NAV3: variants seen among roughly 807,000 people sequenced by gnomAD.
The protein encoded by NAV3 is pore membrane and/or filament interacting like protein 1.
A neutral mutation model predicts 244.7 loss-of-function variants in NAV3; 87 were observed. That is an observed-to-expected ratio of 0.36 (90% confidence interval 0.30 to 0.42). The LOEUF is 0.42. NAV3 is among the 20% of genes least tolerant of loss of function. The pLI is 1.00. For missense variants in NAV3, 2,663 were observed against 2,893.3 expected (o/e 0.92, Z 1.83); for synonymous variants, 1,126 against 1,042.2 (o/e 1.08, Z -1.55).
At chr12:77,781,715 C>A (rs1870670084) in intron 2 of NAV3, among the ~76,000 whole-genome samples, 1 of 152,166 alleles carries the variant, frequency 6.6e-6, no homozygotes, top group South Asian at 2.1e-4. Context: ...TGATTGAGGC[C>A]TGTCCCAGAT....
chr12:78,011,149 G>C (rs1055315321), intron 8 of NAV3, among the ~76,000 whole-genome samples: 1 of 152,096 alleles, frequency 6.6e-6, no homozygotes, highest in Non-Finnish European at 1.5e-5. Context: ...CTGATAACTA[G>C]AGCTACCTGA....
upstream of NAV3, among the ~76,000 whole-genome samples, chr12:77,827,104 G>A (rs1371608879): frequency 6.6e-6 from 1 of 151,810 alleles, no homozygotes. Context: ...GTAGTGGCAG[G>A]CGCCTGTAAT....
At chr12:78,057,008 C>T (rs1883608754) in intron 11 of NAV3, among the ~76,000 whole-genome samples, 1 of 152,092 alleles carries the variant, frequency 6.6e-6, no homozygotes, top group Non-Finnish European at 1.5e-5. Context: ...TTTCTTGAAG[C>T]ATGCGAAGGC....
intron 2 of NAV3, among the ~76,000 whole-genome samples, chr12:77,799,384 G>T (rs981677689): frequency 6.6e-6 from 1 of 152,096 alleles, no homozygotes; most frequent in African/African-American, 2.4e-5. Context: ...GCATATAATG[G>T]TACCTGATTT....
At chr12:77,609,295 G>A (rs1870807005) in intron 2 of NAV3, among the ~76,000 whole-genome samples, 1 of 151,950 alleles carries the variant, frequency 6.6e-6, no homozygotes, top group African/African-American at 2.4e-5. Context: ...CAACAACCTG[G>A]CATCACTTTA....
At chr12:77,854,810 T>C (rs1192849491) in intron 1 of NAV3, among the ~76,000 whole-genome samples, 1 of 152,198 alleles carries the variant, frequency 6.6e-6, no homozygotes. Flanking sequence ...TAAGCATTTA[T>C]TACTTAGAAA....
intron 2 of NAV3, among the ~76,000 whole-genome samples, chr12:77,582,252 A>T (rs1455758218): frequency 6.6e-6 from 1 of 152,232 alleles, no homozygotes; most frequent in African/African-American, 2.4e-5. Context: ...TGTTTAAAGG[A>T]CATTAATCTA....
At chr12:78,085,830 G>T (rs1953605495) in intron 12 of NAV3, among the ~76,000 whole-genome samples, 1 of 152,054 alleles carries the variant, frequency 6.6e-6, no homozygotes, top group African/African-American at 2.4e-5. Flanking sequence ...ACAGAGAGTA[G>T]CTGGTTAGCA....
rs927971880 is a variant in NAV3, at chr12:77,794,716, G to A, written c.73-145603G>A. ...GCTCACTTTTGTCTCTATATGAGAT[G>A]TTGGTGATACTCATGATATTTCCAA... On this transcript the variant is annotated intron_variant, in intron 2 of 8. Transcript: ENST00000550042. Among the ~76,000 whole-genome samples the A allele has an allele frequency of 7.9e-5, 12 of 152,290 alleles. 1 individual carries two copies. The Middle Eastern group carries it at 0.01, about 129-fold the overall frequency.
intron 1 of NAV3, among the ~76,000 whole-genome samples, chr12:77,910,121 C>A (rs1286197377): frequency 6.6e-6 from 1 of 151,956 alleles, no homozygotes; most frequent in Non-Finnish European, 1.5e-5. Context: ...TTTCATTTTA[C>A]ATTGTTATGA....
chr12:77,966,581 G>A (rs929309871), intron 4 of NAV3, among the ~76,000 whole-genome samples: 4 of 152,004 alleles, frequency 2.6e-5, no homozygotes, highest in African/African-American at 9.7e-5. Flanking sequence ...CTAGTTTATA[G>A]TATAATTAGA....
chr12:77,716,477 A>G (rs1371941606), intron 2 of NAV3, among the ~76,000 whole-genome samples: 1 of 151,918 alleles, frequency 6.6e-6, no homozygotes, highest in Non-Finnish European at 1.5e-5. Context: ...AGGTAATTTC[A>G]TGTTTTATGA....
In NAV3 at chr12:77,933,658, G is replaced by A. The variant is rs181460746; in HGVS notation, c.244-6661G>A. Reference sequence around the variant, plus strand: ...ATGGTGAATGTATTACATATATTGTGACAATATGATGTTACCCAAAACTTT... The same window carrying A: ...ATGGTGAATGTATTACATATATTGTAACAATATGATGTTACCCAAAACTTT... On this transcript the variant is annotated intron_variant, in intron 1 of 39. Transcript: ENST00000397909. 4.4e-4 allele frequency among the ~76,000 whole-genome samples: 67 copies of A among 152,262 alleles called. 1 individual carries two copies. The highest frequency in any genetic ancestry group is 4.4e-3 in the South Asian group (21 of 4,822).
Position 78,109,718 on chromosome 12 carries a change from C to G in NAV3, c.2637-7054C>G, listed in dbSNP as rs145882686. ...GAATATATGATCATCTCAATAGATG[C>G]AGAAAAAAATTTTTGATAAATTTCA... On this transcript the variant is annotated intron_variant, in intron 12 of 39. Transcript: ENST00000397909. Among the ~76,000 whole-genome samples, 30 of 151,838 alleles carry G rather than the reference C, an allele frequency of 2.0e-4. No individual in the cohort carries two copies. In the South Asian group the frequency reaches 4.8e-3, roughly 24 times the overall value.
chr12:77,878,138 T>A (rs1434733704), intron 1 of NAV3, among the ~76,000 whole-genome samples: 2 of 152,132 alleles, frequency 1.3e-5, no homozygotes, highest in Non-Finnish European at 2.9e-5. Flanking sequence ...ATGTGGTACC[T>A]GAATGAGAAC....
intron 22 of NAV3, among the ~76,000 whole-genome samples, chr12:78,153,514 T>G (rs887891590): frequency 1.1e-4 from 16 of 152,054 alleles, no homozygotes; most frequent in African/African-American, 3.9e-4. Context: ...TAAATGGTAA[T>G]AGCAAACAAT....
At chr12:77,855,453 A>G (rs1878252854) in intron 1 of NAV3, among the ~76,000 whole-genome samples, 1 of 152,176 alleles carries the variant, frequency 6.6e-6, no homozygotes, top group Admixed American at 6.5e-5. Flanking sequence ...GGGTATCACA[A>G]TATTTTTCTA....
intron 2 of NAV3, among the ~76,000 whole-genome samples, chr12:77,769,956 C>A (rs966892474): frequency 5.9e-5 from 9 of 152,044 alleles, no homozygotes; most frequent in East Asian, 1.9e-4. Context: ...TTCAAATACA[C>A]AAAATGTATG....
intron 3 of NAV3, among the ~76,000 whole-genome samples, 176 bp downstream of exon 3, chr12:77,941,309 T>C (rs529407477): frequency 1.3e-5 from 2 of 152,320 alleles, no homozygotes; most frequent in East Asian, 3.9e-4. Flanking sequence ...CATCATTAAG[T>C]GACTCCTATA....
Sources: allele counts gnomAD v4.1 joint callset (sites outside exome capture counted in the v4.1 genomes callset), GRCh38; gene constraint gnomAD v4.1.1; transcripts MANE v1.5; gene names NCBI Gene and HGNC (gene_info 2026-07-23, HGNC 2026-07-21).